Variants in ACOT6 observed in about 807,000 individuals in gnomAD.
The protein encoded by ACOT6 is acyl-CoA thioesterase 6.
Under a neutral mutation model 12.3 loss-of-function variants are expected in ACOT6, and 14 were observed. That is an observed-to-expected ratio of 1.14 (90% CI 0.75 to 1.78). ACOT6 has a LOEUF of 1.78. Ranked by LOEUF, ACOT6 falls within the 40% of genes most tolerant of loss-of-function variation. The pLI, the probability that ACOT6 is intolerant of heterozygous loss-of-function variation, is 0.00. For synonymous variants in ACOT6, 218 were observed against 231.3 expected, an observed-to-expected ratio of 0.94 and a Z score of 0.52; for missense variants, 523 against 551.8, an observed-to-expected ratio of 0.95 and a Z score of 0.52.
chr14:73,613,222 C>T (rs939630058), intron 1 of ACOT6, among the ~76,000 whole-genome samples, 190 bp downstream of exon 1: 12 of 152,160 alleles, frequency 7.9e-5, no homozygotes. Flanking sequence ...ACACTGCAGC[C>T]TCGAACTCCT....
At chr14:73,611,876 G>A (rs999476033), upstream of ACOT6, among the ~76,000 whole-genome samples, 19 of 152,018 alleles carry the variant, frequency 1.2e-4, no homozygotes, top group African/African-American at 4.3e-4. Flanking sequence ...GGTAAAGGAC[G>A]GATTACGACC....
chr14:73,612,756 T>C lies in ACOT6; in HGVS notation c.185T>C (p.Leu62Pro), dbSNP rs1890468851. Residue 62 changes from leucine (L) to proline (P), a missense_variant, in exon 1 of 3, where the codon CTG (leucine) becomes CCG (proline). By Grantham distance (98) the Leu-to-Pro change is moderately conservative (BLOSUM62 -3). Around this residue, in one of 2 missense-constraint regions of ACOT6, gnomAD observed 304 missense variants for 274.8 expected, o/e 1.11. Transcript: ENST00000645972. Reference sequence around the variant, plus strand: ...GCCGACGCCCGCGACGAGCTGGACCTGGAGCGCGCGCCCGCGCTGGGAGGC... The same window carrying C: ...GCCGACGCCCGCGACGAGCTGGACCCGGAGCGCGCGCCCGCGCTGGGAGGC... ...YRADARDELDLERAPALGGSF... is the reference protein window; with the variant it reads ...YRADARDELDPERAPALGGSF... 2 of 1,372,630 alleles carry C rather than the reference T, an allele frequency of 1.5e-6. No individual in the cohort carries two copies. The highest frequency in any genetic ancestry group is 1.7e-5 in the South Asian group (1 of 57,732). 85.0% of individuals were successfully genotyped at this position (1,372,630 alleles called of 1,614,324 possible).
chr14:73,617,043 T>C lies in ACOT6; in HGVS notation c.511T>C (p.Cys171Arg). 1 of 1,116,890 alleles carries C rather than the reference T, an allele frequency of 9.0e-7. No homozygotes were observed. The highest frequency in any genetic ancestry group is 1.7e-5 in the Admixed American group (1 of 58,332). 69.2% of individuals were successfully genotyped at this position (1,116,890 alleles called of 1,614,324 possible). Reference protein sequence around the residue: ...IDLFGSSRGLCEYRASLLAGH... With the variant: ...IDLFGSSRGLREYRASLLAGH... ...TCTGTTTGGGAGCAGCAGGGGCCTT[T>C]GTGAATACAGGGCCAGCCTCCTGGC... The change falls in exon 2 of 3, where the codon TGT (cysteine) becomes CGT (arginine). Residue 171 changes from cysteine to arginine, a missense_variant. By Grantham distance (180) the Cys-to-Arg change is radical. Around this residue, in one of 2 missense-constraint regions of ACOT6, gnomAD observed 304 missense variants for 274.8 expected, o/e 1.11. Coordinates refer to ENST00000645972, the MANE Select transcript of ACOT6 (RefSeq NM_001365788.1).
chr14:73,615,394 AAAAAAAAAAAAAACAAAAAAC>A (rs891220360), intron 1 of ACOT6, among the ~76,000 whole-genome samples: 6 of 116,646 alleles, frequency 5.1e-5, no homozygotes, highest in South Asian at 3.8e-4. Flanking sequence ...CTGATAAAAA[AAAAAAAAAAAAAACAAAAAAC>A]AAAAAAAACC....
chr14:73,615,191 G>T (rs1890512999), intron 1 of ACOT6, among the ~76,000 whole-genome samples: 1 of 150,270 alleles, frequency 6.7e-6, no homozygotes, highest in Non-Finnish European at 1.5e-5. Flanking sequence ...TTCAAGACCA[G>T]CCTGGCCAAG....
At position 73,619,375 on chromosome 14, in the gene ACOT6, A is replaced by G; in HGVS notation, c.802A>G (p.Lys268Glu). The G allele has an allele frequency of 6.2e-7, 1 of 1,614,196 alleles. No homozygotes were observed. Among genetic ancestry groups the G allele is most frequent in the Non-Finnish European group, 8.5e-7 (1 of 1,180,038 alleles). Residue 268 changes from lysine (K) to glutamate (E), a missense_variant, in exon 3 of 3, where the codon AAG (lysine) becomes GAG (glutamate). By Grantham distance (56) the Lys-to-Glu change is moderately conservative. This residue lies in a region of ACOT6 where 219 missense variants were observed against 277.0 expected (regional missense o/e 0.79). Coordinates refer to ENST00000645972, the MANE Select transcript of ACOT6 (RefSeq NM_001365788.1). Reference protein sequence around the residue: ...VANTVAPLHYKDMIIPKLVDD... With the variant: ...VANTVAPLHYEDMIIPKLVDD... ...CAACACAGTAGCTCCTCTACATTAC[A>G]AGGATATGATTATTCCTAAACTTGT...
Position 73,612,625 on chromosome 14 carries a change from G to C in ACOT6, c.54G>C (p.Pro18=). 3.5e-6 allele frequency: 5 copies of C among 1,408,594 alleles called. No homozygotes were observed. Among genetic ancestry groups the C allele is most frequent in the Non-Finnish European group, 4.6e-6 (5 of 1,079,160 alleles). The allele number at this position is 1,408,594 out of a possible 1,614,324, so 87.3% of individuals were successfully genotyped here. A position where few individuals can be genotyped will look rare whatever the true frequency, so the allele number is the denominator to read the frequency against. ...EPAGRCCWDE[P]LRIAVRGLAP... Reference sequence around the variant, plus strand: ...CGGGCCGCTGCTGCTGGGACGAGCCGCTGCGCATCGCAGTGCGCGGCCTGG... The same window carrying C: ...CGGGCCGCTGCTGCTGGGACGAGCCCCTGCGCATCGCAGTGCGCGGCCTGG... The change falls in exon 1 of 3, where the codon CCG becomes CCC. Residue 18 remains proline (P), a synonymous_variant. Transcript: ENST00000645972.
upstream of ACOT6, among the ~76,000 whole-genome samples, chr14:73,612,280 G>C (rs1595184482): frequency 3.3e-5 from 5 of 152,280 alleles, no homozygotes; most frequent in South Asian, 1.0e-3. Flanking sequence ...CCTCAGGTGT[G>C]ATCCACCCAC....
At position 73,612,693 on chromosome 14, in the gene ACOT6, A is replaced by C; in HGVS notation, c.122A>C (p.Glu41Ala). Reference protein sequence around the residue: ...PVTLRTSLRDEEGALFRAHAR... With the variant: ...PVTLRTSLRDAEGALFRAHAR... Reference sequence around the variant, plus strand: ...ACGCTGCGCACGTCCCTGCGCGACGAAGAGGGCGCGCTCTTCCGGGCCCAC... The same window carrying C: ...ACGCTGCGCACGTCCCTGCGCGACGCAGAGGGCGCGCTCTTCCGGGCCCAC... The change falls in exon 1 of 3, where the codon GAA becomes GCA. Residue 41 changes from glutamate to alanine, a missense_variant. By Grantham distance (107) the Glu-to-Ala change is moderately radical. Coordinates refer to ENST00000645972, the MANE Select transcript of ACOT6 (RefSeq NM_001365788.1). 1 of 1,405,484 alleles carries C rather than the reference A, an allele frequency of 7.1e-7. No homozygotes were observed. The highest frequency in any genetic ancestry group is 9.2e-7 in the Non-Finnish European group (1 of 1,085,158). The allele number at this position is 1,405,484 out of a possible 1,614,324, so 87.1% of individuals were successfully genotyped here.
intron 1 of ACOT6, 175 bp from the exon 2 acceptor site, chr14:73,616,819 C>A: frequency 1.9e-6 from 1 of 539,714 alleles, no homozygotes; most frequent in Non-Finnish European, 3.3e-6. Context: ...ATACATTGTA[C>A]CCAATATGTA....
At position 73,619,231 on chromosome 14, in the gene ACOT6, CAGGTGAA is replaced by C; in HGVS notation, c.663_669del (p.Lys222LeufsTer22). 1 of 1,544,236 alleles carries C rather than the reference CAGGTGAA, an allele frequency of 6.5e-7. No homozygotes were observed. The highest frequency in any genetic ancestry group is 8.7e-7 in the Non-Finnish European group (1 of 1,149,226). On this transcript the variant is annotated splice_acceptor_variant and coding_sequence_variant, in exon 3 of 3. Coordinates refer to ENST00000645972, the MANE Select transcript of ACOT6 (RefSeq NM_001365788.1). LOFTEE classifies it high-confidence loss of function. ...TTGTTTTCCTTCTCTTTTTCCTCAA[CAGGTGAA>C]AGGTCCTAGTATTGCGCTTCTTGGA... is the stretch of plus-strand genomic sequence containing the variant.
chr14:73,612,905 C>T lies in ACOT6; in HGVS notation c.334C>T (p.His112Tyr), dbSNP rs1890472569. The change falls in exon 1 of 3, where the codon CAC (histidine) becomes TAC (tyrosine). Residue 112 changes from histidine (H) to tyrosine (Y), a missense_variant. Transcript: ENST00000645972. ...FAVELEVLDG[H>Y]DTEPGRLLCL... ...CGTGGAGCTGGAAGTGCTGGACGGC[C>T]ACGACACCGAGCCCGGGCGGCTGCT... 1 of 1,366,440 alleles carries T rather than the reference C, an allele frequency of 7.3e-7. No individual in the cohort carries two copies. 84.6% of individuals were successfully genotyped at this position (1,366,440 alleles called of 1,614,324 possible). A position where few individuals can be genotyped will look rare whatever the true frequency, so the allele number is the denominator to read the frequency against.
At chr14:73,616,165 G>T (rs1890534472) in intron 1 of ACOT6, among the ~76,000 whole-genome samples, 1 of 151,972 alleles carries the variant, frequency 6.6e-6, no homozygotes. Flanking sequence ...GATGGGTCTT[G>T]TTATGTTGCC....
In ACOT6 at chr14:73,612,905, C is replaced by G; in HGVS notation, c.334C>G (p.His112Asp). Residue 112 changes from histidine (H) to aspartate (D), a missense_variant, in exon 1 of 3, where the codon CAC (histidine) becomes GAC (aspartate). Transcript: ENST00000645972. ...CGTGGAGCTGGAAGTGCTGGACGGCCACGACACCGAGCCCGGGCGGCTGCT... is the reference window on the plus strand; with the variant it reads ...CGTGGAGCTGGAAGTGCTGGACGGCGACGACACCGAGCCCGGGCGGCTGCT... ...FAVELEVLDG[H>D]DTEPGRLLCL... is the part of the protein sequence containing the mutation. 7.3e-7 allele frequency: 1 copy of G among 1,366,440 alleles called. No individual in the cohort carries two copies. Among genetic ancestry groups the G allele is most frequent in the Non-Finnish European group, 9.8e-7 (1 of 1,022,376 alleles). 84.6% of individuals were successfully genotyped at this position (1,366,440 alleles called of 1,614,324 possible).
intron 1 of ACOT6, among the ~76,000 whole-genome samples, chr14:73,615,737 AAAC>A (rs1566870750): frequency 0.03 from 369 of 12,178 alleles, 3 homozygotes; most frequent in African/African-American, 0.14. Context: ...TTGTCTCAAC[AAAC>A]AAACAAACAA....
At chr14:73,617,228 G>C in intron 2 of ACOT6, 36 bp downstream of exon 2, 2 of 1,614,014 alleles carry the variant, frequency 1.2e-6, no homozygotes, top group East Asian at 2.2e-5. Flanking sequence ...CAGAAGAGAG[G>C]GGATAGAGCT....
chr14:73,612,692 G>C lies in ACOT6; in HGVS notation c.121G>C (p.Glu41Gln). 1 of 1,405,674 alleles carries C rather than the reference G, an allele frequency of 7.1e-7. No homozygotes were observed. Among genetic ancestry groups the C allele is most frequent in the South Asian group, 1.5e-5 (1 of 65,274 alleles). 87.1% of individuals were successfully genotyped at this position (1,405,674 alleles called of 1,614,324 possible). Reference sequence around the variant, plus strand: ...CACGCTGCGCACGTCCCTGCGCGACGAAGAGGGCGCGCTCTTCCGGGCCCA... The same window carrying C: ...CACGCTGCGCACGTCCCTGCGCGACCAAGAGGGCGCGCTCTTCCGGGCCCA... ...PVTLRTSLRD[E>Q]EGALFRAHAR... is the part of the protein sequence containing the mutation. Residue 41 changes from glutamate (E) to glutamine (Q), a missense_variant, in exon 1 of 3, where the codon GAA (glutamate) becomes CAA (glutamine). Physicochemically the swap from Glu to Gln is conservative, Grantham distance 29 (BLOSUM62 2). This residue lies in a region of ACOT6 where 304 missense variants were observed against 274.8 expected (regional missense o/e 1.11). Coordinates refer to ENST00000645972, the MANE Select transcript of ACOT6 (RefSeq NM_001365788.1).
intron 1 of ACOT6, 148 bp from the exon 2 acceptor site, chr14:73,616,846 T>A: frequency 1.7e-6 from 1 of 573,962 alleles, no homozygotes; most frequent in South Asian, 2.4e-5. Context: ...TATCCCTCTA[T>A]ATTATCATTA....
Position 73,619,484 on chromosome 14 carries a change from A to T in ACOT6, c.911A>T (p.Asn304Ile). The change falls in exon 3 of 3, where the codon AAT (asparagine) becomes ATT (isoleucine). Residue 304 changes from asparagine (N) to isoleucine (I), a missense_variant. This residue lies in a region of ACOT6 where 219 missense variants were observed against 277.0 expected (regional missense o/e 0.79). Transcript: ENST00000645972. ...DTWSNPLEEH[N>I]HQSLVPLEKA... ...TGGAGCAATCCACTGGAGGAACACA[A>T]TCACCAAAGTCTTGTTCCATTGGAA... 1 of 1,614,242 alleles carries T rather than the reference A, an allele frequency of 6.2e-7. No homozygotes were observed. Among genetic ancestry groups the T allele is most frequent in the Non-Finnish European group, 8.5e-7 (1 of 1,180,036 alleles).
Sources: allele counts gnomAD v4.1 joint callset (sites outside exome capture counted in the v4.1 genomes callset), GRCh38; gene constraint gnomAD v4.1.1; regional missense constraint gnomAD v4.1.1; transcripts MANE v1.5; gene names NCBI Gene and HGNC (gene_info 2026-07-23, HGNC 2026-07-21).